The following SH2D4A variants were observed in gnomAD, a reference collection of about 807,000 sequenced individuals.
The protein encoded by SH2D4A is SH2 domain-containing protein 4A.
Under a neutral mutation model 64.7 loss-of-function variants are expected in SH2D4A, and 70 were observed. That is an observed-to-expected ratio of 1.08 (90% CI 0.89 to 1.32). SH2D4A has a LOEUF of 1.32. Among genes scored for constraint, SH2D4A ranks in the 40% most tolerant of loss-of-function variants. The probability of loss-of-function intolerance (pLI) is 0.00; values close to 1 mark genes in which losing one functional copy is unlikely to be tolerated. For synonymous variants in SH2D4A, 268 were observed against 200.7 expected (o/e 1.34, Z -2.83); for missense variants, 706 against 540.1 (o/e 1.31, Z -3.04).
chr8:19,353,902 G>T (rs974918857), intron 4 of SH2D4A, among the ~76,000 whole-genome samples: 8 of 151,640 alleles, frequency 5.3e-5, no homozygotes, highest in African/African-American at 1.2e-4. Flanking sequence ...TAGTATGTGT[G>T]AATAGCTTTA....
chr8:19,385,232 CAG>C, intron 8 of SH2D4A, among the ~76,000 whole-genome samples: 1 of 144,730 alleles, frequency 6.9e-6, no homozygotes, highest in Admixed American at 7.0e-5. Flanking sequence ...TTTTTTGAGA[CAG>C]AGTCTTGCTC....
In SH2D4A at chr8:19,395,923, A is replaced by C. The variant is rs1585224892; in HGVS notation, c.*1281A>C. 1 of 152,074 alleles carries C rather than the reference A, an allele frequency of 6.6e-6. No homozygotes were observed. Among genetic ancestry groups the C allele is most frequent in the East Asian group, 2.0e-4 (1 of 5,118 alleles). 9.4% of individuals were successfully genotyped at this position (152,074 alleles called of 1,614,324 possible). ...AAGATCGACCCATTCACTGCTGCCC[A>C]GTCCACCATTTTCATAATGAAGTAG... On this transcript the variant is annotated 3_prime_UTR_variant, in exon 10 of 10. Coordinates refer to ENST00000265807, the MANE Select transcript of SH2D4A (RefSeq NM_022071.4).
At chr8:19,367,126 TACACC>T (rs1175675931) in intron 7 of SH2D4A, among the ~76,000 whole-genome samples, 1 of 152,134 alleles carries the variant, frequency 6.6e-6, no homozygotes, top group Non-Finnish European at 1.5e-5. Flanking sequence ...ATTGTGTATA[TACACC>T]ACATTTTCTT....
rs536967884 is a variant in SH2D4A, at chr8:19,375,865, A to G, written c.1048+2205A>G. Among the ~76,000 whole-genome samples the G allele has an allele frequency of 3.1e-3, 469 of 152,260 alleles. 3 individuals are homozygous for G. Among genetic ancestry groups the G allele is most frequent in the Non-Finnish European group, 3.7e-3 (250 of 68,016 alleles). On this transcript the variant is annotated intron_variant, in intron 8 of 9. Coordinates refer to ENST00000265807, the MANE Select transcript of SH2D4A (RefSeq NM_022071.4). ...AGTTGGTATCCCATAAATTTATACA[A>G]TTGTAAATTTAAGATTTACAATGAA...
rs770676255 is a variant in SH2D4A at position 19,394,534 on chromosome 8, G to GCCTTCTGA, written c.1273-15_1273-8dup. 6.3e-7 allele frequency: 1 copy of GCCTTCTGA among 1,584,462 alleles called. No homozygotes were observed. Reference sequence around the variant, plus strand: ...CACTACTTACACTATCTGACCCCGTGCCTTCTGATTGACAGGAGGAACCCA... The same window carrying GCCTTCTGA: ...CACTACTTACACTATCTGACCCCGTGCCTTCTGACCTTCTGATTGACAGGAGGAACCCA... On this transcript the variant is annotated splice_polypyrimidine_tract_variant and intron_variant, in intron 9 of 9. Coordinates refer to ENST00000265807, the MANE Select transcript of SH2D4A (RefSeq NM_022071.4).
Position 19,364,117 on chromosome 8 carries a change from A to C in SH2D4A, c.752A>C (p.Lys251Thr). 1 of 1,614,078 alleles carries C rather than the reference A, an allele frequency of 6.2e-7. No individual in the cohort carries two copies. Residue 251 changes from lysine to threonine, a missense_variant, in exon 7 of 10, where the codon AAA (lysine) becomes ACA (threonine). Coordinates refer to ENST00000265807, the MANE Select transcript of SH2D4A (RefSeq NM_022071.4). ...GATGAGAAGAGACGCTCCTTGGCTA[A>C]ACAAGCACGAGAAGACTACAAGAGG... Reference protein sequence around the residue: ...AADEKRRSLAKQAREDYKRLS... With the variant: ...AADEKRRSLATQAREDYKRLS...
At chr8:19,392,504 G>A (rs182544427) in intron 8 of SH2D4A, among the ~76,000 whole-genome samples, 52 of 152,074 alleles carry the variant, frequency 3.4e-4, no homozygotes, top group Admixed American at 9.2e-4. Flanking sequence ...GATGTCTCTC[G>A]GACACCTTTG....
intron 4 of SH2D4A, among the ~76,000 whole-genome samples, chr8:19,344,585 T>G (rs1477252226): frequency 6.6e-6 from 1 of 152,170 alleles, no homozygotes; most frequent in East Asian, 1.9e-4. Context: ...TTAAGGTCCA[T>G]AGCTGGTAAT....
At chr8:19,345,736 C>T (rs73599076) in intron 4 of SH2D4A, among the ~76,000 whole-genome samples, 2,192 of 152,298 alleles carry the variant, frequency 0.014, 47 homozygotes, top group African/African-American at 0.049. Flanking sequence ...TTAACCAGAA[C>T]GCCAAACCAC....
rs755542132 is a variant in SH2D4A at position 19,393,363 on chromosome 8, G to A, written c.1094G>A (p.Gly365Asp). ...GCAAATGAACTTCTTCTGAGCACAG[G>A]CATGCCCGGCAGTTTTCTCATCCGA... ...KKANELLLSTGMPGSFLIRVS... is the reference protein window; with the variant it reads ...KKANELLLSTDMPGSFLIRVS... Residue 365 changes from glycine (G) to aspartate (D), a missense_variant, in exon 9 of 10, where the codon GGC becomes GAC. Physicochemically the swap from Gly to Asp is moderately conservative, Grantham distance 94. Coordinates refer to ENST00000265807, the MANE Select transcript of SH2D4A (RefSeq NM_022071.4). 3.7e-6 allele frequency: 6 copies of A among 1,614,086 alleles called. No homozygotes were observed. In the Admixed American group the frequency reaches 1.0e-4, roughly 27 times the overall value.
chr8:19,348,077 T>C (rs2052639534), intron 4 of SH2D4A, among the ~76,000 whole-genome samples: 1 of 152,114 alleles, frequency 6.6e-6, no homozygotes, highest in East Asian at 1.9e-4. Flanking sequence ...ACTATGGTGG[T>C]TTTCAGTTTT....
chr8:19,341,159 C>T (rs541757444), intron 4 of SH2D4A, among the ~76,000 whole-genome samples: 2 of 152,310 alleles, frequency 1.3e-5, no homozygotes, highest in Admixed American at 1.3e-4. Context: ...CAGGCCTTCT[C>T]CTTTAGAAGA....
At chr8:19,327,679 C>A (rs771046195) in intron 2 of SH2D4A, among the ~76,000 whole-genome samples, 16 of 152,210 alleles carry the variant, frequency 1.1e-4, no homozygotes, top group Non-Finnish European at 2.4e-4. Flanking sequence ...AATCGTTCAG[C>A]CAACTGTGCT....
Position 19,382,823 on chromosome 8 carries a change from CTTTTTTTTT to C in SH2D4A, c.1048+9180_1048+9188del, listed in dbSNP as rs1159245319. Among the ~76,000 whole-genome samples the C allele has an allele frequency of 1.7e-4, 11 of 64,628 alleles. No individual in the cohort carries two copies. In the South Asian group the frequency reaches 2.0e-3, roughly 12 times the overall value. The allele number at this position is 64,628 out of a possible 152,430, so 42.4% of individuals were successfully genotyped here. ...TTTCTCTCTTGCTGCTTTTAAGATT[CTTTTTTTTT>C]TTTTTTTTTTTTTTTTGAGACAGGG... On this transcript the variant is annotated intron_variant, in intron 8 of 9. Transcript: ENST00000265807.
chr8:19,354,155 C>A (rs1024951808), intron 4 of SH2D4A, among the ~76,000 whole-genome samples: 1 of 152,006 alleles, frequency 6.6e-6, no homozygotes, highest in Non-Finnish European at 1.5e-5. Flanking sequence ...CCATGCACCA[C>A]CATGCCAGCT....
chr8:19,346,936 G>C (rs1432053198), intron 4 of SH2D4A, among the ~76,000 whole-genome samples: 3 of 152,206 alleles, frequency 2.0e-5, no homozygotes, highest in African/African-American at 7.2e-5. Context: ...TTCATATGAA[G>C]AGTTGGAGGC....
chr8:19,394,352 C>T (rs1014456546), intron 9 of SH2D4A, among the ~76,000 whole-genome samples, 198 bp from the exon 10 acceptor site: 2 of 152,136 alleles, frequency 1.3e-5, no homozygotes, highest in Non-Finnish European at 2.9e-5. Flanking sequence ...ATTCATAGGC[C>T]TTAAGTTAGA....
intron 5 of SH2D4A, among the ~76,000 whole-genome samples, chr8:19,360,396 T>C (rs891399535): frequency 2.0e-5 from 3 of 151,494 alleles, no homozygotes; most frequent in Non-Finnish European, 4.4e-5. Flanking sequence ...AGTGGATCAC[T>C]TGAGGTCAGA....
At chr8:19,318,395 G>GAC (rs1563181185) in intron 1 of SH2D4A, among the ~76,000 whole-genome samples, 1 of 152,192 alleles carries the variant, frequency 6.6e-6, no homozygotes, top group Non-Finnish European at 1.5e-5. Context: ...GAGAAAGTAT[G>GAC]ACAGTGTGGT....
Sources: gnomAD v4.1 joint callset for allele counts (sites outside exome capture counted in the v4.1 genomes callset) on GRCh38, gnomAD v4.1.1 for gene constraint, MANE v1.5 for transcripts, NCBI Gene and HGNC (gene_info 2026-07-23, HGNC 2026-07-21) for gene names.